The following RPUSD3 variants were observed in gnomAD, a reference collection of about 807,000 sequenced individuals.
RPUSD3 encodes the protein RNA pseudouridine synthase D3, also known as mitochondrial mRNA pseudouridine synthase RPUSD3.
In RPUSD3, 36 loss-of-function variants were observed where a neutral mutation model predicts 35.1. The ratio of observed to expected loss-of-function variants is 1.02; its 90% CI spans 0.79 to 1.35. The LOEUF (loss-of-function observed/expected upper bound fraction) is 1.35. Ranked by LOEUF, RPUSD3 falls within the 40% of genes most tolerant of loss-of-function variation. The pLI is 0.00. For missense variants in RPUSD3, 486 were observed against 441.9 expected (o/e 1.10, Z -0.89); for synonymous variants, 202 against 187.8 (o/e 1.08, Z -0.62).
chr3:9,843,982 G>C (rs1047329102), exon 1 of RPUSD3: 1 of 1,601,210 alleles, frequency 6.2e-7, no homozygotes, highest in Non-Finnish European at 8.5e-7. Context: ...AAACACGGCG[G>C]CCGTCCATCT....
At chr3:9,843,918 C>G in exon 1 of RPUSD3, 1 of 1,605,400 alleles carries the variant, frequency 6.2e-7, no homozygotes, top group Non-Finnish European at 8.5e-7. Flanking sequence ...CCTGCGTCCT[C>G]GGGCACTGGG....
chr3:9,839,253 G>A, intron 7 of RPUSD3, 82 bp from the exon 8 acceptor site: 1 of 1,495,946 alleles, frequency 6.7e-7, no homozygotes, highest in Non-Finnish European at 9.0e-7. Flanking sequence ...CTTTTCCTTT[G>A]GGGAAACACC....
intron 2 of RPUSD3, 70 bp from the exon 3 acceptor site, chr3:9,842,313 A>G (rs939164235): frequency 2.0e-6 from 3 of 1,484,492 alleles, no homozygotes; most frequent in African/African-American, 2.8e-5. Context: ...AAGAGTTTCC[A>G]GAGCACTTTC....
At chr3:9,840,439 G>A in intron 6 of RPUSD3, 93 bp downstream of exon 6, 4 of 1,598,840 alleles carry the variant, frequency 2.5e-6, no homozygotes, top group East Asian at 2.2e-5. Flanking sequence ...TAGGGGACAG[G>A]AGAGCCAGCC....
chr3:9,842,003 C>A (rs148780857), exon 4 of RPUSD3: 1 of 1,613,952 alleles, frequency 6.2e-7, no homozygotes, highest in Non-Finnish European at 8.5e-7. Context: ...CTCGGACAAC[C>A]TGAAGCTCCT....
chr3:9,843,250 T>G (rs539091386), intron 2 of RPUSD3: 2 of 625,098 alleles, frequency 3.2e-6, no homozygotes. Flanking sequence ...CAAGGCTCGG[T>G]AGTTATTTGC....
At chr3:9,843,304 T>G in intron 2 of RPUSD3, 161 bp downstream of exon 2, 1 of 958,792 alleles carries the variant, frequency 1.0e-6, no homozygotes, top group Non-Finnish European at 1.6e-6. Flanking sequence ...GGCAGTAGGG[T>G]TAAAAGCGGG....
intron 7 of RPUSD3, 168 bp from the exon 8 acceptor site, chr3:9,839,339 G>A (rs1019154299): frequency 4.1e-5 from 27 of 651,020 alleles, no homozygotes; most frequent in African/African-American, 1.8e-4. Flanking sequence ...CACATAACAC[G>A]TCAGGACGAT....
exon 9 of RPUSD3, chr3:9,838,079 G>T (rs749568077): frequency 6.2e-7 from 1 of 1,611,326 alleles, no homozygotes; most frequent in South Asian, 1.1e-5. Context: ...GTGGTGCCAG[G>T]AGCTCAACAG....
At chr3:9,840,255 T>C (rs1387717045) in exon 7 of RPUSD3, 1 of 1,614,172 alleles carries the variant, frequency 6.2e-7, no homozygotes, top group East Asian at 2.2e-5. Context: ...ACTGAGAGTC[T>C]TCTTGACACC....
chr3:9,839,951 G>A, intron 7 of RPUSD3: 1 of 442,352 alleles, frequency 2.3e-6, no homozygotes, highest in South Asian at 2.4e-5. Flanking sequence ...CATGATCTTG[G>A]CTCATTGCAA....
rs1198811008 is a variant in RPUSD3, at chr3:9,842,086, G to A, written c.308-4C>T. 9 of 1,609,254 alleles carry A rather than the reference G, an allele frequency of 5.6e-6. No individual in the cohort carries two copies. The highest frequency in any genetic ancestry group is 6.8e-6 in the Non-Finnish European group (8 of 1,176,784). On this transcript the variant is annotated splice_polypyrimidine_tract_variant and splice_region_variant and intron_variant, in intron 3 of 8. Transcript: ENST00000383820. ...AACGTCAGCTCTCCTGGTTTTCCTG[G>A]AAAGTAAGAAAGAAAAATTACAAGA...
exon 9 of RPUSD3, chr3:9,837,980 C>G (rs928366646): frequency 2.6e-6 from 4 of 1,516,748 alleles, no homozygotes; most frequent in Non-Finnish European, 3.6e-6. Flanking sequence ...CCCTCACTTT[C>G]CAGTGTGTGT....
rs753984295 is a variant in RPUSD3, at chr3:9,838,231, G to A, written c.865-24C>T. ...ACCTGGAGCGGGAGAGGTACGTTGT[G>A]TTCAGCCCCACATTTTCCAAGCAGC... On this transcript the variant is annotated intron_variant, in intron 8 of 8. Transcript: ENST00000383820. 1.7e-5 allele frequency: 28 copies of A among 1,609,366 alleles called. No individual in the cohort carries two copies. In the East Asian group the frequency reaches 6.2e-4, roughly 36 times the overall value.
exon 9 of RPUSD3, chr3:9,837,923 G>A: frequency 7.4e-7 from 1 of 1,360,328 alleles, no homozygotes; most frequent in East Asian, 2.5e-5. Context: ...CAAGCAAGTG[G>A]CCTGTCCAGG....
chr3:9,840,467 C>T, intron 6 of RPUSD3, 65 bp downstream of exon 6: 3 of 1,595,162 alleles, frequency 1.9e-6, no homozygotes, highest in African/African-American at 2.7e-5. Flanking sequence ...ATCCATACCC[C>T]TGACTCCTCT....
chr3:9,837,909 A>T, exon 9 of RPUSD3: 2 of 1,248,536 alleles, frequency 1.6e-6, no homozygotes, highest in Non-Finnish European at 2.2e-6. Flanking sequence ...CCAATGCCAC[A>T]CAGCAAGCAA....
chr3:9,841,052 T>C (rs2082096404), intron 4 of RPUSD3: 1 of 323,938 alleles, frequency 3.1e-6, no homozygotes, highest in Non-Finnish European at 5.7e-6. Flanking sequence ...TTGTCTACCA[T>C]GTGCCAGAAT....
chr3:9,843,929 C>A (rs574446123), exon 1 of RPUSD3: 1 of 1,603,784 alleles, frequency 6.2e-7, no homozygotes, highest in Non-Finnish European at 8.5e-7. Flanking sequence ...GGGCACTGGG[C>A]GGACACCCAG....
Sources: gnomAD v4.1 joint callset for allele counts on GRCh38, gnomAD v4.1.1 for gene constraint, MANE v1.5 for transcripts, NCBI Gene and HGNC (gene_info 2026-07-23, HGNC 2026-07-21) for gene names.